Variants in TNFRSF11A observed in about 807,000 individuals in gnomAD.
The protein encoded by TNFRSF11A is tumor necrosis factor receptor superfamily member 11A.
TNFRSF11A carries 32 observed loss-of-function variants against 55.7 expected under a neutral mutation model. The ratio of observed to expected loss-of-function variants is 0.57; its 90% CI spans 0.43 to 0.77. The LOEUF is 0.77. Ranked by LOEUF, TNFRSF11A falls within the 30% of genes least tolerant of loss-of-function variation. The pLI is 0.00. For synonymous variants in TNFRSF11A, 311 were observed against 331.0 expected, an observed-to-expected ratio of 0.94 and a Z score of 0.65; for missense variants, 753 against 809.8, an observed-to-expected ratio of 0.93 and a Z score of 0.85.
chr18:62,378,674 A>G lies in TNFRSF11A; in HGVS notation c.1568-6077A>G, dbSNP rs117290784. Among the ~76,000 whole-genome samples the G allele has an allele frequency of 7.5e-3, 1,142 of 152,296 alleles. 3 individuals are homozygous for G. Among genetic ancestry groups the G allele is most frequent in the Non-Finnish European group, 0.011 (762 of 68,030 alleles). On this transcript the variant is annotated intron_variant, in intron 9 of 9. Transcript: ENST00000586569. ...CCTTATGCTATCCTGCTGAATATTCATGTGCTCATTTGTTCATTTATTTAA... is the reference window on the plus strand; with the variant it reads ...CCTTATGCTATCCTGCTGAATATTCGTGTGCTCATTTGTTCATTTATTTAA...
chr18:62,335,129 A>ATTTTTTTTTTTTTTTTTTTTTTTTTTTTT (rs11289576), intron 1 of TNFRSF11A, among the ~76,000 whole-genome samples: 3 of 140,722 alleles, frequency 2.1e-5, no homozygotes, highest in Non-Finnish European at 4.6e-5. Flanking sequence ...TGGGGTCGGA[A>ATTTTTTTTTTTTTTTTTTTTTTTTTTTTT]TTTTTTTTTT....
intron 9 of TNFRSF11A, chr18:62,372,895 G>C (rs1568492776): frequency 6.6e-6 from 1 of 152,118 alleles, no homozygotes; most frequent in East Asian, 1.9e-4. Context: ...ATACCTATTT[G>C]TTTTTCAATT....
At chr18:62,367,993 T>C (rs12458249) in intron 8 of TNFRSF11A, among the ~76,000 whole-genome samples, 29,484 of 151,994 alleles carry the variant, frequency 0.19, 3,901 homozygotes, top group Non-Finnish European at 0.29. Context: ...AGGGTTTCAC[T>C]GTGTTGCCCA....
Position 62,386,907 on chromosome 18 carries a change from A to AGAT in TNFRSF11A, c.*1875_*1877dup, listed in dbSNP as rs1911774324. 6.6e-6 allele frequency: 1 copy of AGAT among 152,198 alleles called. No individual in the cohort carries two copies. The highest frequency in any genetic ancestry group is 1.5e-5 in the Non-Finnish European group (1 of 68,048). The allele number at this position is 152,198 out of a possible 1,614,324, so 9.4% of individuals were successfully genotyped here. ...CTTTTATTTAACATCATCCACAGAG[A>AGAT]GATGTTATACAAATGGAGGAAACCA... On this transcript the variant is annotated 3_prime_UTR_variant, in exon 10 of 10. Coordinates refer to ENST00000586569, the MANE Select transcript of TNFRSF11A (RefSeq NM_003839.4).
intron 7 of TNFRSF11A, among the ~76,000 whole-genome samples, chr18:62,365,672 A>G (rs1014199578): frequency 1.3e-5 from 2 of 152,234 alleles, no homozygotes; most frequent in Admixed American, 1.3e-4. Flanking sequence ...TCATAGCAGC[A>G]CCTCTGACAG....
chr18:62,338,603 G>T (rs2046267489), intron 1 of TNFRSF11A, among the ~76,000 whole-genome samples: 1 of 152,180 alleles, frequency 6.6e-6, no homozygotes, highest in East Asian at 1.9e-4. Context: ...CTTACATGAG[G>T]TATAGAGAGT....
intron 9 of TNFRSF11A, among the ~76,000 whole-genome samples, chr18:62,381,911 G>A (rs1469145304): frequency 6.6e-6 from 1 of 151,888 alleles, no homozygotes; most frequent in African/African-American, 2.4e-5. Flanking sequence ...GTGTTGCTAC[G>A]CCTACTTCTG....
chr18:62,341,595 T>C (rs942624343), intron 1 of TNFRSF11A, among the ~76,000 whole-genome samples: 4 of 152,230 alleles, frequency 2.6e-5, no homozygotes, highest in African/African-American at 9.6e-5. Context: ...CCCTCCTCTA[T>C]TGGATACAGA....
intron 1 of TNFRSF11A, among the ~76,000 whole-genome samples, chr18:62,346,940 T>C (rs2046392209): frequency 6.6e-6 from 1 of 152,198 alleles, no homozygotes; most frequent in Non-Finnish European, 1.5e-5. Context: ...TCAGGCCTCA[T>C]TGCCCCTGTT....
At chr18:62,339,889 A>AT (rs2046287458) in intron 1 of TNFRSF11A, among the ~76,000 whole-genome samples, 1 of 152,120 alleles carries the variant, frequency 6.6e-6, no homozygotes, top group Admixed American at 6.5e-5. Context: ...GAGAGGACTG[A>AT]TTCGTTATTT....
At chr18:62,366,855 C>G in intron 8 of TNFRSF11A, 95 bp downstream of exon 8, 1 of 1,315,700 alleles carries the variant, frequency 7.6e-7, no homozygotes, top group Non-Finnish European at 1.1e-6. Flanking sequence ...CCCCCCCACC[C>G]CCACTTTTTT....
chr18:62,358,320 A>G lies in TNFRSF11A; in HGVS notation c.500A>G (p.Asp167Gly), dbSNP rs922077544. 14 of 1,613,076 alleles carry G rather than the reference A, an allele frequency of 8.7e-6. No individual in the cohort carries two copies. Among genetic ancestry groups the G allele is most frequent in the Non-Finnish European group, 1.2e-5 (14 of 1,179,790 alleles). ...TTCTCTGATGCCTTTTCCTCCACGG[A>G]CAAATGCAGACCCTGGACCAAGTAA... ...GYFSDAFSST[D>G]KCRPWTNCTF... Residue 167 changes from aspartate to glycine, a missense_variant, in exon 5 of 10, where the codon GAC becomes GGC. Asp to Gly is a moderately conservative substitution (Grantham distance 94, BLOSUM62 -1). Transcript: ENST00000586569.
At chr18:62,355,877 A>G (rs990611215) in intron 4 of TNFRSF11A, among the ~76,000 whole-genome samples, 5 of 152,204 alleles carry the variant, frequency 3.3e-5, no homozygotes, top group Admixed American at 3.3e-4. Flanking sequence ...TGTTCACATA[A>G]ATAACTGAAT....
chr18:62,355,288 T>A lies in TNFRSF11A; in HGVS notation c.427+754T>A, dbSNP rs546383415. Reference sequence around the variant, plus strand: ...AAATCTTTATTTATTTTATTTATTTTTTTTTTGAGATGGAGTTTTGCTCTT... The same window carrying A: ...AAATCTTTATTTATTTTATTTATTTATTTTTTGAGATGGAGTTTTGCTCTT... On this transcript the variant is annotated intron_variant, in intron 4 of 9. Coordinates refer to ENST00000586569, the MANE Select transcript of TNFRSF11A (RefSeq NM_003839.4). 1.9e-3 allele frequency among the ~76,000 whole-genome samples: 295 copies of A among 152,286 alleles called. 11 individuals carry two copies. The South Asian group carries it at 0.057, about 29-fold the overall frequency.
intron 4 of TNFRSF11A, among the ~76,000 whole-genome samples, chr18:62,355,975 G>A (rs1342838740): frequency 1.3e-5 from 2 of 152,208 alleles, no homozygotes; most frequent in Non-Finnish European, 2.9e-5. Flanking sequence ...CTACTGATGT[G>A]ATATCAGAAG....
At chr18:62,374,857 T>C (rs867232548) in intron 9 of TNFRSF11A, among the ~76,000 whole-genome samples, 1 of 152,192 alleles carries the variant, frequency 6.6e-6, no homozygotes, top group Non-Finnish European at 1.5e-5. Context: ...AACATTTTTC[T>C]GGTTAAGTCA....
chr18:62,335,330 T>C (rs576970851), intron 1 of TNFRSF11A, among the ~76,000 whole-genome samples: 33 of 152,228 alleles, frequency 2.2e-4, no homozygotes, highest in Non-Finnish European at 4.4e-4. Context: ...AGTTTCGAAC[T>C]CCTCACCTCA....
In TNFRSF11A at chr18:62,325,376, C is replaced by G. The variant is rs2046055826; in HGVS notation, c.24C>G (p.Arg8=). The change falls in exon 1 of 10, where the codon CGC becomes CGG. Residue 8 remains arginine, a synonymous_variant. Transcript: ENST00000586569. This position sits in a 1 kb window ranked among gnomAD's most constrained non-coding sequence, Gnocchi z 4.7. MAPRARR[R]RPLFALLLLC... is the part of the protein sequence containing the mutation. ...CCATGGCCCCGCGCGCCCGGCGGCGCCGCCCGCTGTTCGCGCTGCTGCTGC... is the reference window on the plus strand; with the variant it reads ...CCATGGCCCCGCGCGCCCGGCGGCGGCGCCCGCTGTTCGCGCTGCTGCTGC... 3.8e-6 allele frequency: 4 copies of G among 1,066,580 alleles called. No homozygotes were observed. Among genetic ancestry groups the G allele is most frequent in the South Asian group, 7.9e-5 (2 of 25,232 alleles). 66.1% of individuals were successfully genotyped at this position (1,066,580 alleles called of 1,614,324 possible).
chr18:62,361,723 C>T lies in TNFRSF11A; in HGVS notation c.660C>T (p.Phe220=), dbSNP rs534076974. 6.8e-5 allele frequency: 109 copies of T among 1,614,034 alleles called. No homozygotes were observed. In the South Asian group the frequency reaches 8.2e-4, roughly 12 times the overall value. ...YLPGLIILLL[F]ASVALVAAII... ...CCGGTTTAATAATTCTGCTTCTCTT[C>T]GCGTCTGTGGCCCTGGTGGCTGCCA... Residue 220 remains phenylalanine, a synonymous_variant, in exon 7 of 10, where the codon TTC becomes TTT. Coordinates refer to ENST00000586569, the MANE Select transcript of TNFRSF11A (RefSeq NM_003839.4).
Sources: allele counts gnomAD v4.1 joint callset (sites outside exome capture counted in the v4.1 genomes callset), GRCh38; gene constraint gnomAD v4.1.1; non-coding constraint Gnocchi (gnomAD v3.1); transcripts MANE v1.5; gene names NCBI Gene and HGNC (gene_info 2026-07-23, HGNC 2026-07-21).